Variants in BPTF observed in about 807,000 individuals in gnomAD.
The protein encoded by BPTF is nucleosome-remodeling factor subunit BPTF.
In BPTF, 18 loss-of-function variants were observed where a neutral mutation model predicts 292.5. That is an observed-to-expected ratio of 0.06 (90% CI 0.04 to 0.09). The LOEUF is 0.09. Among genes scored for constraint, BPTF ranks in the 10% least tolerant of loss-of-function variants. The pLI, the probability that BPTF is intolerant of heterozygous loss-of-function variation, is 1.00. For missense variants in BPTF, 2,726 were observed against 3,498.7 expected (o/e 0.78, Z 5.57); for synonymous variants, 1,225 against 1,251.9 (o/e 0.98, Z 0.45).
intron 18 of BPTF, among the ~76,000 whole-genome samples, 193 bp from the exon 19 acceptor site, chr17:67,940,246 G>A (rs1211507338): frequency 3.9e-5 from 6 of 152,204 alleles, no homozygotes; most frequent in Admixed American, 3.9e-4. Flanking sequence ...GGTTGGCAGT[G>A]AAAACAGACT....
intron 11 of BPTF, among the ~76,000 whole-genome samples, chr17:67,914,088 A>G (rs913793276): frequency 6.6e-6 from 1 of 152,214 alleles, no homozygotes; most frequent in Non-Finnish European, 1.5e-5. Flanking sequence ...TAGAAATCAG[A>G]ATCAGTCATA....
chr17:67,885,691 T>C (rs2060706413), intron 4 of BPTF, among the ~76,000 whole-genome samples: 1 of 152,244 alleles, frequency 6.6e-6, no homozygotes, highest in Non-Finnish European at 1.5e-5. Flanking sequence ...CTTAATTCTG[T>C]TTCTAATACT....
At chr17:67,851,626 G>A (rs941924473) in intron 1 of BPTF, among the ~76,000 whole-genome samples, 2 of 152,222 alleles carry the variant, frequency 1.3e-5, no homozygotes, top group African/African-American at 4.8e-5. Flanking sequence ...TCAGGGGTAT[G>A]TGTACTGGAT....
chr17:67,899,213 C>G (rs1160083004), intron 7 of BPTF, among the ~76,000 whole-genome samples: 1 of 152,154 alleles, frequency 6.6e-6, no homozygotes, highest in Non-Finnish European at 1.5e-5. Flanking sequence ...AAGGCCAAAT[C>G]CCAAGTCAGT....
chr17:67,884,421 CTTTT>C (rs60432162), intron 4 of BPTF, among the ~76,000 whole-genome samples: 6 of 146,294 alleles, frequency 4.1e-5, no homozygotes, highest in Admixed American at 6.8e-5. Context: ...TGGCCCCTCC[CTTTT>C]TTTTTTTTCT....
At chr17:67,965,387 A>G (rs1347125045) in intron 25 of BPTF, 2 of 151,164 alleles carry the variant, frequency 1.3e-5, no homozygotes, top group African/African-American at 4.9e-5. Flanking sequence ...CAGGATTAGC[A>G]AGTGATAGAG....
intron 7 of BPTF, among the ~76,000 whole-genome samples, chr17:67,896,583 G>T (rs115618262): frequency 0.017 from 2,627 of 150,834 alleles, 66 homozygotes; most frequent in African/African-American, 0.057. Flanking sequence ...TACATTTATG[G>T]AGATTTTAAA....
Position 67,912,809 on chromosome 17 carries a change from G to T in BPTF, c.4925G>T (p.Gly1642Val), listed in dbSNP as rs1428621199. ...AAGCTTTCCACACCCTCCACAGGCG[G>T]CAGTGTGGACATCATCTCTGTAAAG... ...VTKLSTPSTG[G>V]SVDIISVKEQ... The change falls in exon 11 of 28, where the codon GGC becomes GTC. Residue 1642 changes from glycine (G) to valine (V), a missense_variant. Coordinates refer to ENST00000306378, the MANE Select transcript of BPTF (RefSeq NM_182641.4). The T allele has an allele frequency of 2.5e-6, 4 of 1,613,994 alleles. No homozygotes were observed. The highest frequency in any genetic ancestry group is 3.4e-6 in the Non-Finnish European group (4 of 1,180,010).
chr17:67,861,435 G>T (rs2059078787), intron 2 of BPTF, among the ~76,000 whole-genome samples: 1 of 150,818 alleles, frequency 6.6e-6, no homozygotes, highest in African/African-American at 2.4e-5. Flanking sequence ...GGATTCAAGC[G>T]ACTCCCGAGT....
chr17:67,938,431 T>C (rs1475975108), intron 18 of BPTF, among the ~76,000 whole-genome samples: 1 of 152,076 alleles, frequency 6.6e-6, no homozygotes, highest in African/African-American at 2.4e-5. Context: ...CCAAGAAAAA[T>C]TTAGAAGAAA....
At chr17:67,887,713 A>T (rs1337217971) in intron 4 of BPTF, among the ~76,000 whole-genome samples, 1 of 152,230 alleles carries the variant, frequency 6.6e-6, no homozygotes. Context: ...CCGAGCCATC[A>T]TCAGGTATAA....
intron 27 of BPTF, among the ~76,000 whole-genome samples, chr17:67,980,965 C>A (rs1212741040): frequency 2.0e-5 from 3 of 152,190 alleles, no homozygotes; most frequent in Non-Finnish European, 2.9e-5. Flanking sequence ...TGAGACCAGC[C>A]TGGGCAACAT....
chr17:67,833,355 A>G lies in BPTF; in HGVS notation c.613+7018A>G, dbSNP rs567094720. 5.9e-4 allele frequency among the ~76,000 whole-genome samples: 89 copies of G among 151,584 alleles called. No individual in the cohort carries two copies. In the South Asian group the frequency reaches 7.7e-3, roughly 13 times the overall value. ...CAGCCTTCCAGCCTCCAGAGTAGCT[A>G]GGATTACAGGCACACATCTCTGTGT... On this transcript the variant is annotated intron_variant, in intron 1 of 27. Transcript: ENST00000306378.
rs1410916121 is a variant in BPTF at position 67,866,581 on chromosome 17, A to G, written c.1554A>G (p.Lys518=). The change falls in exon 3 of 28, where the codon AAA becomes AAG. Residue 518 remains lysine (K), a synonymous_variant. Coordinates refer to ENST00000306378, the MANE Select transcript of BPTF (RefSeq NM_182641.4). ...ATTATTGGGAAGCAGAACTCTGCAAAATTCTAGAAGAAATGCGTGAAGAAA... is the reference window on the plus strand; with the variant it reads ...ATTATTGGGAAGCAGAACTCTGCAAGATTCTAGAAGAAATGCGTGAAGAAA... ...DKDYWEAELC[K]ILEEMREEIH... is the part of the protein sequence containing the mutation. The G allele has an allele frequency of 4.3e-6, 7 of 1,613,924 alleles. No individual in the cohort carries two copies. Among genetic ancestry groups the G allele is most frequent in the East Asian group, 2.2e-5 (1 of 44,892 alleles).
chr17:67,832,996 A>C (rs1387608518), intron 1 of BPTF, among the ~76,000 whole-genome samples: 1 of 147,842 alleles, frequency 6.8e-6, no homozygotes. Flanking sequence ...ACAGGGTTTT[A>C]CTATGTTGGC....
chr17:67,836,273 C>T (rs2057125570), intron 1 of BPTF, among the ~76,000 whole-genome samples: 1 of 152,132 alleles, frequency 6.6e-6, no homozygotes, highest in African/African-American at 2.4e-5. Context: ...GTAATTCACA[C>T]GCTTGGGAAA....
At chr17:67,830,619 T>C (rs2056578960) in intron 1 of BPTF, among the ~76,000 whole-genome samples, 1 of 151,422 alleles carries the variant, frequency 6.6e-6, no homozygotes. Context: ...GAAAGGCAGA[T>C]TGAGGGAGGG....
At position 67,863,575 on chromosome 17, in the gene BPTF, C is replaced by T. The variant is rs148335836; in HGVS notation, c.1437-2889C>T. Among the ~76,000 whole-genome samples, 295 of 152,328 alleles carry T rather than the reference C, an allele frequency of 1.9e-3. 1 individual carries two copies. Among genetic ancestry groups the T allele is most frequent in the African/African-American group, 6.7e-3 (277 of 41,572 alleles). On this transcript the variant is annotated intron_variant, in intron 2 of 27. Coordinates refer to ENST00000306378, the MANE Select transcript of BPTF (RefSeq NM_182641.4). Reference sequence around the variant, plus strand: ...CTAGAATTACAGGCGTGAGCCACCACGCCCGGCCCATTACCTTCTTTTCTA... The same window carrying T: ...CTAGAATTACAGGCGTGAGCCACCATGCCCGGCCCATTACCTTCTTTTCTA...
intron 26 of BPTF, among the ~76,000 whole-genome samples, chr17:67,968,198 C>T (rs533060743): frequency 6.6e-6 from 1 of 150,554 alleles, no homozygotes; most frequent in East Asian, 1.9e-4. Context: ...GAATTATGTT[C>T]CAAAAGCCAG....
Sources: allele counts gnomAD v4.1 joint callset (sites outside exome capture counted in the v4.1 genomes callset), GRCh38; gene constraint gnomAD v4.1.1; transcripts MANE v1.5; gene names NCBI Gene and HGNC (gene_info 2026-07-23, HGNC 2026-07-21).